Variants in FARS2 observed in about 807,000 individuals in gnomAD.
FARS2 encodes the protein phenylalanyl-tRNA synthetase 2, mitochondrial.
FARS2 carries 40 observed loss-of-function variants against 46.4 expected under a neutral mutation model. That is an observed-to-expected ratio of 0.86 (90% CI 0.67 to 1.12). FARS2 has a LOEUF of 1.12. FARS2 is among the 50% of genes most tolerant of loss of function. The pLI is 0.00. For synonymous variants in FARS2, 234 were observed against 214.9 expected, an observed-to-expected ratio of 1.09 and a Z score of -0.78; for missense variants, 513 against 567.9, an observed-to-expected ratio of 0.90 and a Z score of 0.98.
intron 6 of FARS2, among the ~76,000 whole-genome samples, chr6:5,641,922 G>A (rs4960119): frequency 0.25 from 38,173 of 152,000 alleles, 5,147 homozygotes; most frequent in East Asian, 0.35. Flanking sequence ...TAGGTCCATC[G>A]GAAAGCTGCT....
chr6:5,459,061 A>G (rs867032191), intron 4 of FARS2, among the ~76,000 whole-genome samples: 11 of 152,366 alleles, frequency 7.2e-5, no homozygotes, highest in African/African-American at 1.4e-4. Flanking sequence ...TGAAACGTTA[A>G]CATTGTCTCT....
intron 4 of FARS2, among the ~76,000 whole-genome samples, chr6:5,445,632 C>G (rs1764139336): frequency 6.6e-6 from 1 of 152,156 alleles, no homozygotes; most frequent in Non-Finnish European, 1.5e-5. Flanking sequence ...CTAAGTATGG[C>G]AAATGATGGT....
At chr6:5,532,783 T>G (rs7774373) in intron 4 of FARS2, among the ~76,000 whole-genome samples, 33,469 of 138,252 alleles carry the variant, frequency 0.24, 3,946 homozygotes, top group South Asian at 0.36. Context: ...ATAATAATAA[T>G]AAGAAGAAGA....
chr6:5,451,799 G>A (rs1431308662), intron 4 of FARS2: 1 of 152,212 alleles, frequency 6.6e-6, no homozygotes, highest in African/African-American at 2.4e-5. Context: ...GCTGGTATTA[G>A]TGTCTGTTGT....
At chr6:5,268,589 C>G (rs1765715535) in intron 1 of FARS2, among the ~76,000 whole-genome samples, 1 of 151,986 alleles carries the variant, frequency 6.6e-6, no homozygotes, top group African/African-American at 2.4e-5. Flanking sequence ...CAGTACCATG[C>G]TGTTTTGGTT....
At chr6:5,340,619 C>G (rs923388656) in intron 1 of FARS2, among the ~76,000 whole-genome samples, 1 of 152,138 alleles carries the variant, frequency 6.6e-6, no homozygotes, top group Non-Finnish European at 1.5e-5. Flanking sequence ...AGAGCATCAA[C>G]AGTGCCATAG....
chr6:5,286,801 ATG>A (rs943532168), intron 1 of FARS2, among the ~76,000 whole-genome samples: 1 of 152,206 alleles, frequency 6.6e-6, no homozygotes, highest in African/African-American at 2.4e-5. Context: ...ATATGTTGGC[ATG>A]TGTGTATGTG....
chr6:5,413,782 G>T (rs1762071200), intron 3 of FARS2, among the ~76,000 whole-genome samples: 1 of 152,104 alleles, frequency 6.6e-6, no homozygotes, highest in African/African-American at 2.4e-5. Flanking sequence ...AAGGTTGGTG[G>T]CTCTCTTCTT....
Position 5,760,676 on chromosome 6 carries a change from A to G in FARS2, c.1218-10615A>G, listed in dbSNP as rs118138761. On this transcript the variant is annotated intron_variant, in intron 6 of 6. Coordinates refer to ENST00000274680, the MANE Select transcript of FARS2 (RefSeq NM_006567.5). ...CATTTCTGTACTCTACCGTCTGTAC[A>G]CGCAGACCAGCTGCTCTCAGCTATT... is the stretch of plus-strand genomic sequence containing the variant. Among the ~76,000 whole-genome samples, 128 of 152,212 alleles carry G rather than the reference A, an allele frequency of 8.4e-4. No individual in the cohort carries two copies. In the East Asian group the frequency reaches 0.022, roughly 26 times the overall value.
rs17140125 is a variant in FARS2, at chr6:5,295,664, A to G, written c.-22+34004A>G. Reference sequence around the variant, plus strand: ...TTTGAGCCAAAATTATTAACAAGCCATTTTGGAAATAAAGACAGTAGAATC... The same window carrying G: ...TTTGAGCCAAAATTATTAACAAGCCGTTTTGGAAATAAAGACAGTAGAATC... On this transcript the variant is annotated intron_variant, in intron 1 of 6. Coordinates refer to ENST00000274680, the MANE Select transcript of FARS2 (RefSeq NM_006567.5). Among the ~76,000 whole-genome samples the G allele has an allele frequency of 6.8e-3, 1,040 of 152,334 alleles. 13 individuals carry two copies. The highest frequency in any genetic ancestry group is 0.024 in the African/African-American group (979 of 41,586).
chr6:5,764,584 G>A lies in FARS2; in HGVS notation c.1218-6707G>A, dbSNP rs1464143154. ...GCCCCGTGACAGCATCTTCTCTCCC[G>A]TTGAGTAATCCCTGCATGAATAGAT... On this transcript the variant is annotated intron_variant, in intron 6 of 6. Transcript: ENST00000274680. The surrounding 1 kb of genome is among the most constrained non-coding windows in gnomAD (Gnocchi z 4.1). Among the ~76,000 whole-genome samples, 1 of 152,124 alleles carries A rather than the reference G, an allele frequency of 6.6e-6. No individual in the cohort carries two copies. Among genetic ancestry groups the A allele is most frequent in the Non-Finnish European group, 1.5e-5 (1 of 68,004 alleles).
At chr6:5,260,812 G>C, upstream of FARS2, 2 of 1,528,402 alleles carry the variant, frequency 1.3e-6, no homozygotes, top group South Asian at 2.4e-5. Context: ...TCCAGCCTGT[G>C]CGGAAACCAC....
At chr6:5,482,841 G>T (rs992453377) in intron 4 of FARS2, among the ~76,000 whole-genome samples, 5 of 152,230 alleles carry the variant, frequency 3.3e-5, no homozygotes, top group African/African-American at 1.2e-4. Flanking sequence ...AGAAATTACA[G>T]TTGGGAAAAT....
intron 6 of FARS2, among the ~76,000 whole-genome samples, chr6:5,690,582 G>C (rs1166545456): frequency 6.6e-6 from 1 of 151,256 alleles, no homozygotes; most frequent in Non-Finnish European, 1.5e-5. Flanking sequence ...TAGTCTGATG[G>C]GCTTCCCTTT....
At chr6:5,579,565 T>C (rs1773206301) in intron 5 of FARS2, among the ~76,000 whole-genome samples, 1 of 152,224 alleles carries the variant, frequency 6.6e-6, no homozygotes, top group Non-Finnish European at 1.5e-5. Context: ...TGAGCCACCA[T>C]GCCCAGACTA....
chr6:5,470,003 A>G (rs1765722259), intron 4 of FARS2, among the ~76,000 whole-genome samples: 1 of 152,224 alleles, frequency 6.6e-6, no homozygotes, highest in Non-Finnish European at 1.5e-5. Context: ...TTAAAAAGTG[A>G]TGGATGCAGA....
At chr6:5,258,496 G>A (rs904043639), upstream of FARS2, among the ~76,000 whole-genome samples, 1 of 152,234 alleles carries the variant, frequency 6.6e-6, no homozygotes, top group Non-Finnish European at 1.5e-5. Context: ...AGAATTGATA[G>A]TGGATGTTGT....
intron 6 of FARS2, among the ~76,000 whole-genome samples, chr6:5,757,230 G>A (rs1184181704): frequency 6.6e-6 from 1 of 151,756 alleles, no homozygotes; most frequent in Non-Finnish European, 1.5e-5. Flanking sequence ...CACAAAGTTT[G>A]GAAATGGACA....
intron 6 of FARS2, among the ~76,000 whole-genome samples, chr6:5,724,710 C>A (rs994731446): frequency 1.3e-5 from 2 of 152,346 alleles, no homozygotes; most frequent in East Asian, 3.9e-4. Flanking sequence ...CTCACCTCCC[C>A]TCAGCCTCTG....
Sources: gnomAD v4.1 joint callset for allele counts (sites outside exome capture counted in the v4.1 genomes callset) on GRCh38, gnomAD v4.1.1 for gene constraint, Gnocchi (gnomAD v3.1) non-coding constraint, MANE v1.5 for transcripts, NCBI Gene and HGNC (gene_info 2026-07-23, HGNC 2026-07-21) for gene names.